CYB5A: variants seen among roughly 807,000 people sequenced by gnomAD.
CYB5A encodes the protein cytochrome b5.
A neutral mutation model predicts 16.2 loss-of-function variants in CYB5A; 10 were observed. That is an observed-to-expected ratio of 0.62 (90% CI 0.38 to 1.04). The LOEUF is 1.04. Among genes scored for constraint, CYB5A ranks in the 50% least tolerant of loss-of-function variants. CYB5A has a pLI of 0.01. For synonymous variants in CYB5A, 62 were observed against 57.0 expected (o/e 1.09, Z -0.40); for missense variants, 161 against 165.9 (o/e 0.97, Z 0.16).
intron 2 of CYB5A, among the ~76,000 whole-genome samples, chr18:74,263,011 T>C (rs534172476): frequency 6.6e-6 from 1 of 152,082 alleles, no homozygotes; most frequent in South Asian, 2.1e-4. Flanking sequence ...TTATCAGGCG[T>C]GGAGGTGTGT....
At chr18:74,261,613 T>C (rs80252948) in intron 2 of CYB5A, 7 of 153,062 alleles carry the variant, frequency 4.6e-5, no homozygotes, top group African/African-American at 1.7e-4. Flanking sequence ...GTCAGATGAA[T>C]GAAGCTTACT....
At chr18:74,257,572 A>C (rs1325668389) in intron 3 of CYB5A, 1 of 152,310 alleles carries the variant, frequency 6.6e-6, no homozygotes, top group African/African-American at 2.4e-5. Context: ...CCACCTGTTC[A>C]CTCCATGACT....
chr18:74,265,277 A>T (rs1982389375), intron 1 of CYB5A, among the ~76,000 whole-genome samples: 2 of 152,312 alleles, frequency 1.3e-5, no homozygotes, highest in Admixed American at 1.3e-4. Context: ...CAAAGAAAAA[A>T]ATTAAAATCA....
chr18:74,272,185 T>A (rs1169843540), intron 1 of CYB5A, among the ~76,000 whole-genome samples: 1 of 152,244 alleles, frequency 6.6e-6, no homozygotes, highest in Non-Finnish European at 1.5e-5. Flanking sequence ...GGAATTGTTA[T>A]TGCTTCCTTA....
chr18:74,289,136 C>A (rs753359571), intron 1 of CYB5A, among the ~76,000 whole-genome samples: 12 of 152,128 alleles, frequency 7.9e-5, no homozygotes, highest in Admixed American at 1.3e-4. Flanking sequence ...GGTCAGCCAC[C>A]CTCTTGTTCA....
At chr18:74,269,414 C>T (rs565582900) in intron 1 of CYB5A, among the ~76,000 whole-genome samples, 47 of 152,282 alleles carry the variant, frequency 3.1e-4, no homozygotes, top group African/African-American at 9.9e-4. Flanking sequence ...CCTCCATCTG[C>T]GTTGGCTCTC....
intron 1 of CYB5A, among the ~76,000 whole-genome samples, chr18:74,285,950 A>G (rs1327468409): frequency 6.6e-6 from 1 of 152,146 alleles, no homozygotes; most frequent in African/African-American, 2.4e-5. Flanking sequence ...ACCTAAAAAC[A>G]TGGAAGGAAA....
Position 74,267,963 on chromosome 18 carries a change from A to C in CYB5A, c.130-4486T>G, listed in dbSNP as rs76786805. 2.8e-3 allele frequency among the ~76,000 whole-genome samples: 419 copies of C among 152,334 alleles called. 2 individuals are homozygous for C. Among genetic ancestry groups the C allele is most frequent in the Middle Eastern group, 0.01 (3 of 294 alleles). ...GGAGGACCCAGAAGTGGGGATGGGCATGGAGATGCAAAGCTGTTTCCACGT... is the reference window on the plus strand; with the variant it reads ...GGAGGACCCAGAAGTGGGGATGGGCCTGGAGATGCAAAGCTGTTTCCACGT... On this transcript the variant is annotated intron_variant, in intron 1 of 4. Coordinates refer to ENST00000340533, the MANE Select transcript of CYB5A (RefSeq NM_148923.4).
At chr18:74,285,712 T>C (rs1313105494) in intron 1 of CYB5A, among the ~76,000 whole-genome samples, 3 of 151,620 alleles carry the variant, frequency 2.0e-5, no homozygotes, top group Non-Finnish European at 4.4e-5. Context: ...AATACAAAAA[T>C]TAGCTGGGCA....
At chr18:74,267,221 A>G (rs554323165) in intron 1 of CYB5A, among the ~76,000 whole-genome samples, 8 of 151,900 alleles carry the variant, frequency 5.3e-5, no homozygotes, top group East Asian at 1.9e-4. Flanking sequence ...CAGTGACGCA[A>G]TTTCAGCTCA....
chr18:74,254,400 C>T (rs1411577422), intron 4 of CYB5A, among the ~76,000 whole-genome samples: 1 of 34,690 alleles, frequency 2.9e-5, no homozygotes, highest in Admixed American at 3.6e-4. Flanking sequence ...TCTAAATTCA[C>T]CAAAAAAAAA....
In CYB5A at chr18:74,254,024, A is replaced by G. The variant is rs542074079; in HGVS notation, c.324-359T>C. Among the ~76,000 whole-genome samples the G allele has an allele frequency of 1.1e-4, 16 of 152,242 alleles. 1 individual carries two copies. The East Asian group carries it at 3.1e-3, about 29-fold the overall frequency. On this transcript the variant is annotated intron_variant, in intron 4 of 4. Coordinates refer to ENST00000340533, the MANE Select transcript of CYB5A (RefSeq NM_148923.4). ...TAAAAACCTTCTACCAAAAAATACA[A>G]AAAGTAGCTGGGCGTGGTGGCAGTA...
rs192513783 is a variant in CYB5A, at chr18:74,281,934, C to G, written c.129+9813G>C. Among the ~76,000 whole-genome samples, 129 of 151,942 alleles carry G rather than the reference C, an allele frequency of 8.5e-4. 1 individual carries two copies. The highest frequency in any genetic ancestry group is 3.1e-3 in the African/African-American group (129 of 41,398). ...GGGCCTGGTTTATACTGGGGAACAT[C>G]GGGTGGCTTAGGGAATGTCTGTGAG... On this transcript the variant is annotated intron_variant, in intron 1 of 4. Coordinates refer to ENST00000340533, the MANE Select transcript of CYB5A (RefSeq NM_148923.4).
intron 1 of CYB5A, among the ~76,000 whole-genome samples, chr18:74,267,187 C>T (rs1457870372): frequency 1.3e-5 from 2 of 151,414 alleles, no homozygotes; most frequent in African/African-American, 4.9e-5. Flanking sequence ...GACGGAGTCT[C>T]GCTGTGTCAC....
chr18:74,265,647 T>C (rs1982403299), intron 1 of CYB5A, among the ~76,000 whole-genome samples: 1 of 152,230 alleles, frequency 6.6e-6, no homozygotes, highest in Admixed American at 6.5e-5. Context: ...GGGGTTACTT[T>C]GGCTCTCAGT....
At position 74,261,421 on chromosome 18, in the gene CYB5A, G is replaced by A. The variant is rs1055681597; in HGVS notation, c.259-477C>T. ...TGTCAAAAATACAGTGTGTTTAAAG[G>A]CTGGCCAGGGGGAAGCCCAGTGGGC... On this transcript the variant is annotated intron_variant, in intron 2 of 4. Transcript: ENST00000340533. The A allele has an allele frequency of 3.5e-5, 7 of 199,248 alleles. No individual in the cohort carries two copies. In the South Asian group the frequency reaches 5.5e-4, roughly 16 times the overall value. 12.3% of individuals were successfully genotyped at this position (199,248 alleles called of 1,614,324 possible). A position where few individuals can be genotyped will look rare whatever the true frequency, so the allele number is the denominator to read the frequency against.
At chr18:74,254,756 G>C (rs1981906944) in intron 4 of CYB5A, among the ~76,000 whole-genome samples, 1 of 152,020 alleles carries the variant, frequency 6.6e-6, no homozygotes, top group South Asian at 2.1e-4. Flanking sequence ...TCCTGACCTC[G>C]TGATCCACCT....
chr18:74,277,356 C>T (rs2145070549), intron 1 of CYB5A, among the ~76,000 whole-genome samples: 1 of 152,314 alleles, frequency 6.6e-6, no homozygotes, highest in East Asian at 1.9e-4. Context: ...TTCATATCCA[C>T]CCTCTCACTG....
intron 1 of CYB5A, among the ~76,000 whole-genome samples, chr18:74,282,810 A>G (rs1333587782): frequency 1.3e-5 from 2 of 152,216 alleles, no homozygotes; most frequent in African/African-American, 2.4e-5. Flanking sequence ...GGACCAGATC[A>G]TTCAGAGCTT....
Sources: gnomAD v4.1 joint callset for allele counts (sites outside exome capture counted in the v4.1 genomes callset) on GRCh38, gnomAD v4.1.1 for gene constraint, MANE v1.5 for transcripts, NCBI Gene and HGNC (gene_info 2026-07-23, HGNC 2026-07-21) for gene names.